The following PRDM16 variants were observed in gnomAD, a reference collection of about 807,000 sequenced individuals.
The protein encoded by PRDM16 is histone-lysine N-methyltransferase PRDM16.
Under a neutral mutation model 110.6 loss-of-function variants are expected in PRDM16, and 23 were observed. The ratio of observed to expected loss-of-function variants is 0.21; its 90% CI spans 0.15 to 0.29. The LOEUF is 0.29. Ranked by LOEUF, PRDM16 falls within the 10% of genes least tolerant of loss-of-function variation. PRDM16 has a pLI of 1.00. For missense variants in PRDM16, 1,615 were observed against 1,794.3 expected (o/e 0.90, Z 1.81); for synonymous variants, 799 against 781.8 (o/e 1.02, Z -0.37).
intron 3 of PRDM16, among the ~76,000 whole-genome samples, chr1:3,283,369 C>T (rs1338330737): frequency 6.6e-6 from 1 of 152,202 alleles, no homozygotes; most frequent in Non-Finnish European, 1.5e-5. Context: ...CTCCAATGCC[C>T]CTCCCTCTGT....
intron 1 of PRDM16, among the ~76,000 whole-genome samples, chr1:3,099,381 A>C (rs1435809301): frequency 1.3e-5 from 2 of 152,220 alleles, no homozygotes; most frequent in Non-Finnish European, 2.9e-5. Context: ...TGTGCCCGCT[A>C]TGTGGCTTCA....
chr1:3,180,436 T>G (rs939326159), intron 1 of PRDM16, among the ~76,000 whole-genome samples: 1 of 152,180 alleles, frequency 6.6e-6, no homozygotes, highest in African/African-American at 2.4e-5. Context: ...GAGGCCAGCC[T>G]GCCCTTGGCG....
At chr1:3,348,053 G>A (rs1031163596) in intron 3 of PRDM16, among the ~76,000 whole-genome samples, 1 of 152,190 alleles carries the variant, frequency 6.6e-6, no homozygotes, top group Non-Finnish European at 1.5e-5. Context: ...GGCTGCCCAT[G>A]CCTCTGGTCG....
intron 2 of PRDM16, among the ~76,000 whole-genome samples, chr1:3,188,815 GAGA>G (rs1485998601): frequency 2.0e-5 from 3 of 152,206 alleles, no homozygotes; most frequent in East Asian, 1.9e-4. Flanking sequence ...CACCTCCTCT[GAGA>G]AGGAGAGAGA....
At chr1:3,369,567 G>C (rs1642874930) in intron 3 of PRDM16, among the ~76,000 whole-genome samples, 1 of 152,218 alleles carries the variant, frequency 6.6e-6, no homozygotes, top group African/African-American at 2.4e-5. Context: ...TCCAGTTCAC[G>C]GGCCCTGGGG....
At chr1:3,366,703 G>A (rs920504116) in intron 3 of PRDM16, among the ~76,000 whole-genome samples, 1 of 152,158 alleles carries the variant, frequency 6.6e-6, no homozygotes, top group Non-Finnish European at 1.5e-5. Context: ...AAAAAACTGA[G>A]GTCGGAGCAG....
At chr1:3,211,397 G>A (rs935924773) in intron 2 of PRDM16, among the ~76,000 whole-genome samples, 1 of 152,354 alleles carries the variant, frequency 6.6e-6, no homozygotes, top group Non-Finnish European at 1.5e-5. Flanking sequence ...AACATCTCTC[G>A]TGGTGTCTGG....
chr1:3,180,890 G>A (rs865935601), intron 1 of PRDM16, among the ~76,000 whole-genome samples: 6 of 146,558 alleles, frequency 4.1e-5, no homozygotes, highest in South Asian at 2.1e-4. Context: ...TCTTACACAC[G>A]GCCTCACACA....
intron 3 of PRDM16, among the ~76,000 whole-genome samples, chr1:3,250,026 C>A (rs1639890942): frequency 6.6e-6 from 1 of 152,212 alleles, no homozygotes; most frequent in African/African-American, 2.4e-5. Context: ...CATCCCCTTC[C>A]CAAGGCAGCG....
At chr1:3,288,858 G>C (rs928039143) in intron 3 of PRDM16, among the ~76,000 whole-genome samples, 2 of 152,154 alleles carry the variant, frequency 1.3e-5, no homozygotes, top group Non-Finnish European at 2.9e-5. Flanking sequence ...CCTTCTGGGG[G>C]AGGAAGTAGG....
chr1:3,240,341 G>A (rs1639640273), intron 2 of PRDM16, among the ~76,000 whole-genome samples: 1 of 150,746 alleles, frequency 6.6e-6, no homozygotes, highest in Non-Finnish European at 1.5e-5. Flanking sequence ...TTGAGCTCAG[G>A]AGGCTGAGGC....
intron 4 of PRDM16, among the ~76,000 whole-genome samples, chr1:3,386,181 A>G (rs74372288): frequency 0.25 from 37,340 of 151,044 alleles, 5,859 homozygotes; most frequent in East Asian, 0.6. Context: ...GGCCCCTTAC[A>G]TCACAGTAGT....
chr1:3,114,258 G>A (rs535783819), intron 1 of PRDM16, among the ~76,000 whole-genome samples: 15 of 118,566 alleles, frequency 1.3e-4, no homozygotes, highest in East Asian at 5.5e-4. Context: ...GCACACGCAC[G>A]CGCACACGTA....
intron 1 of PRDM16, among the ~76,000 whole-genome samples, chr1:3,077,191 G>T (rs1192545769): frequency 6.6e-6 from 1 of 152,182 alleles, no homozygotes; most frequent in African/African-American, 2.4e-5. Flanking sequence ...CCTGGTCCAC[G>T]GGCCTCCTGG....
In PRDM16 at chr1:3,385,248, G is replaced by A. The variant is rs929298724; in HGVS notation, c.535G>A (p.Asp179Asn). 18 of 1,613,714 alleles carry A rather than the reference G, an allele frequency of 1.1e-5. No homozygotes were observed. The highest frequency in any genetic ancestry group is 6.7e-5 in the East Asian group (3 of 44,878). ...GTACATCCGTGTGGCGTGCTCCTGCGATGACCAGAACCTCACCATGTGTCA... is the reference window on the plus strand; with the variant it reads ...GTACATCCGTGTGGCGTGCTCCTGCAATGACCAGAACCTCACCATGTGTCA... ...LKYIRVACSCDDQNLTMCQIS... is the reference protein window; with the variant it reads ...LKYIRVACSCNDQNLTMCQIS... Residue 179 changes from aspartate (D) to asparagine (N), a missense_variant, in exon 4 of 17, where the codon GAT becomes AAT. Physicochemically the swap from Asp to Asn is conservative, Grantham distance 23. Around this residue, in one of 5 missense-constraint regions of PRDM16, gnomAD observed 416 missense variants for 467.1 expected, o/e 0.89. Coordinates refer to ENST00000270722, the MANE Select transcript of PRDM16 (RefSeq NM_022114.4).
intron 12 of PRDM16, among the ~76,000 whole-genome samples, chr1:3,422,317 A>C (rs1372422024): frequency 1.3e-5 from 2 of 151,418 alleles, no homozygotes; most frequent in Admixed American, 1.3e-4. Context: ...GCAGACAGAC[A>C]AGCAGATGGA....
At chr1:3,262,203 G>T (rs899234518) in intron 3 of PRDM16, among the ~76,000 whole-genome samples, 5 of 152,242 alleles carry the variant, frequency 3.3e-5, no homozygotes, top group Non-Finnish European at 1.5e-5. Context: ...CTGGCTCTGT[G>T]TGCTAAGCAC....
At chr1:3,073,964 G>A (rs977457630) in intron 1 of PRDM16, among the ~76,000 whole-genome samples, 1 of 152,188 alleles carries the variant, frequency 6.6e-6, no homozygotes, top group Non-Finnish European at 1.5e-5. Flanking sequence ...GGTTCCCTGC[G>A]ACATCCCGAC....
intron 3 of PRDM16, among the ~76,000 whole-genome samples, chr1:3,297,122 T>C (rs1387826520): frequency 6.6e-6 from 1 of 152,116 alleles, no homozygotes; most frequent in Non-Finnish European, 1.5e-5. Flanking sequence ...GTAGGAGCCC[T>C]AAGGGGAGCG....
Sources: gnomAD v4.1 joint callset for allele counts (sites outside exome capture counted in the v4.1 genomes callset) on GRCh38, gnomAD v4.1.1 for gene constraint, gnomAD v4.1.1 regional missense constraint, MANE v1.5 for transcripts, NCBI Gene and HGNC (gene_info 2026-07-23, HGNC 2026-07-21) for gene names.